The following OR51B5 variants were observed in gnomAD, a reference collection of about 807,000 sequenced individuals.
The protein encoded by OR51B5 is olfactory receptor family 51 subfamily B member 5.
For synonymous variants in OR51B5, 186 were observed against 144.8 expected (o/e 1.28, Z -2.04); for missense variants, 456 against 374.6 (o/e 1.22, Z -1.79).
downstream of OR51B5, chr11:5,342,539 A>ATATT (rs780338915): frequency 4.0e-5 from 61 of 1,526,908 alleles, 1 homozygote; most frequent in Admixed American, 6.7e-5. Flanking sequence ...CTCCTGCTAA[A>ATATT]TATTAGAGTT....
chr11:5,343,042 G>A, exon 1 of OR51B5: 1 of 1,613,786 alleles, frequency 6.2e-7, no homozygotes, highest in Non-Finnish European at 8.5e-7. Context: ...GAAAAAAATA[G>A]AGGGGCCTGA....
chr11:5,397,139 C>G (rs1187977816), intron 1 of OR51B5, among the ~76,000 whole-genome samples: 1 of 152,182 alleles, frequency 6.6e-6, no homozygotes, highest in Admixed American at 6.5e-5. Context: ...AGGACATAGG[C>G]ATGGGCATGG....
intron 1 of OR51B5, among the ~76,000 whole-genome samples, chr11:5,366,842 G>T (rs1849376918): frequency 6.6e-6 from 1 of 152,138 alleles, no homozygotes. Context: ...CCAAGCACGG[G>T]TCTCTGTGCA....
intron 1 of OR51B5, among the ~76,000 whole-genome samples, chr11:5,373,029 G>C (rs1849468571): frequency 6.6e-6 from 1 of 152,130 alleles, no homozygotes; most frequent in Non-Finnish European, 1.5e-5. Flanking sequence ...CGTATATACA[G>C]TCCAGTAATT....
chr11:5,440,399 T>G (rs1850659820), intron 1 of OR51B5, among the ~76,000 whole-genome samples: 2 of 152,236 alleles, frequency 1.3e-5, no homozygotes, highest in Non-Finnish European at 2.9e-5. Context: ...AATTTTCACA[T>G]AAGTATTGAA....
rs562327262 is a variant in OR51B5, at chr11:5,461,796, A to G, written n.84+43773T>C. ...CTATGTTTCTCATCCCGTCCCTACC[A>G]GCACTCAGGGCCAGAAAGGAGTCCT... On this transcript the variant is annotated intron_variant and non_coding_transcript_variant, in intron 1 of 4. Transcript: ENST00000415970. Among the ~76,000 whole-genome samples, 1,419 of 152,300 alleles carry G rather than the reference A, an allele frequency of 9.3e-3. 19 individuals are homozygous for G. Among genetic ancestry groups the G allele is most frequent in the Non-Finnish European group, 9.1e-3 (619 of 68,030 alleles).
At position 5,356,798 on chromosome 11, in the gene OR51B5, C is replaced by A. The variant is rs1421275414; in HGVS notation, n.85-9888G>T. On this transcript the variant is annotated intron_variant and non_coding_transcript_variant, in intron 1 of 4. Transcript: ENST00000415970. ...ATCTCTCAGCAGAAACTCTACAAGC[C>A]AGAAGAGAGTGGGGGCCAATATTCA... is the stretch of plus-strand genomic sequence containing the variant. Among the ~76,000 whole-genome samples, 2 of 125,642 alleles carry A rather than the reference C, an allele frequency of 1.6e-5. 1 individual carries two copies. The highest frequency in any genetic ancestry group is 5.9e-5 in the African/African-American group (2 of 33,920). 82.4% of individuals were successfully genotyped at this position (125,642 alleles called of 152,430 possible).
chr11:5,428,315 G>A (rs919540438), intron 1 of OR51B5, among the ~76,000 whole-genome samples: 3 of 152,068 alleles, frequency 2.0e-5, no homozygotes, highest in South Asian at 2.1e-4. Context: ...GCACATAAAA[G>A]TTATGTTTAC....
chr11:5,485,493 G>C (rs1010457182), intron 1 of OR51B5, among the ~76,000 whole-genome samples: 6 of 152,186 alleles, frequency 3.9e-5, no homozygotes, highest in African/African-American at 1.4e-4. Flanking sequence ...TGAACTTGCA[G>C]ATCACCAGCA....
At chr11:5,422,767 G>A (rs1460934421) in intron 1 of OR51B5, 1 of 1,614,006 alleles carries the variant, frequency 6.2e-7, no homozygotes, top group Non-Finnish European at 8.5e-7. Flanking sequence ...TGATCCGCCT[G>A]GTCTGTGCTG....
rs777867424 is a variant in OR51B5 at position 5,454,078 on chromosome 11, T to A, written n.84+51491A>T. ...TGTGCTGATATCAGTATCAACAGCA[T>A]CTATGGACTCTTTGTTCTTGTATCC... is the stretch of plus-strand genomic sequence containing the variant. On this transcript the variant is annotated intron_variant and non_coding_transcript_variant, in intron 1 of 4. Coordinates refer to the OR51B5 transcript ENST00000415970. 11 of 1,614,144 alleles carry A rather than the reference T, an allele frequency of 6.8e-6. No homozygotes were observed. In the Admixed American group the frequency reaches 1.8e-4, roughly 27 times the overall value.
intron 1 of OR51B5, among the ~76,000 whole-genome samples, chr11:5,485,330 C>G (rs1851483520): frequency 6.6e-6 from 1 of 152,180 alleles, no homozygotes; most frequent in Non-Finnish European, 1.5e-5. Flanking sequence ...AGGCAACGTT[C>G]AGAAGTTATA....
chr11:5,452,226 C>T (rs1442999399), intron 1 of OR51B5, among the ~76,000 whole-genome samples: 3 of 151,964 alleles, frequency 2.0e-5, no homozygotes, highest in Non-Finnish European at 2.9e-5. Context: ...CAAGAGGGGC[C>T]GGGCACGGTG....
intron 1 of OR51B5, among the ~76,000 whole-genome samples, chr11:5,374,293 A>T (rs1201838584): frequency 6.6e-6 from 1 of 152,140 alleles, no homozygotes; most frequent in Non-Finnish European, 1.5e-5. Flanking sequence ...AAGGAAAACT[A>T]ACAAACAGAA....
intron 1 of OR51B5, among the ~76,000 whole-genome samples, chr11:5,480,740 A>T (rs1851405204): frequency 6.6e-6 from 1 of 150,640 alleles, no homozygotes; most frequent in Admixed American, 6.6e-5. Flanking sequence ...CTCTATGGAA[A>T]TAAACTAGAA....
chr11:5,456,021 T>C (rs561759345), intron 1 of OR51B5: 107 of 152,342 alleles, frequency 7.0e-4, no homozygotes, highest in African/African-American at 2.5e-3. Context: ...GAAGCTCCTA[T>C]TTCAACATGA....
chr11:5,426,883 GAA>G (rs1850458744), intron 1 of OR51B5, among the ~76,000 whole-genome samples: 1 of 152,188 alleles, frequency 6.6e-6, no homozygotes, highest in Admixed American at 6.5e-5. Flanking sequence ...AACCACAGGA[GAA>G]AAGAGACTAA....
chr11:5,411,540 T>C (rs1380061553), intron 1 of OR51B5, among the ~76,000 whole-genome samples: 1 of 152,198 alleles, frequency 6.6e-6, no homozygotes, highest in Admixed American at 6.5e-5. Context: ...TTCATGGGAA[T>C]TCAGAATGAT....
exon 1 of OR51B5, chr11:5,343,446 C>G: frequency 6.2e-7 from 1 of 1,606,178 alleles, no homozygotes; most frequent in Non-Finnish European, 8.5e-7. Context: ...AAGAAAAATA[C>G]GGAAATCCAG....
Sources: gnomAD v4.1 joint callset for allele counts (sites outside exome capture counted in the v4.1 genomes callset) on GRCh38, gnomAD v4.1.1 for gene constraint, MANE v1.5 for transcripts, NCBI Gene and HGNC (gene_info 2026-07-23, HGNC 2026-07-21) for gene names.